The following SPG11 variants were observed in gnomAD, a reference collection of about 807,000 sequenced individuals.
SPG11 encodes SPG11 vesicle trafficking associated, spatacsin, also known as spatacsin.
SPG11 carries 222 observed loss-of-function variants against 274.0 expected under a neutral mutation model. The observed-to-expected ratio is 0.81, with a 90% CI of 0.73 to 0.91. SPG11 has a LOEUF of 0.91. Ranked by LOEUF, SPG11 falls within the 40% of genes least tolerant of loss-of-function variation. The probability of loss-of-function intolerance (pLI) is 0.00; values close to 1 mark genes in which losing one functional copy is unlikely to be tolerated. For missense variants in SPG11, 3,114 were observed against 2,872.7 expected (o/e 1.08, Z -1.92); for synonymous variants, 1,144 against 1,039.7 (o/e 1.10, Z -1.93).
At chr15:44,599,444 C>T (rs1363119616) in intron 21 of SPG11, among the ~76,000 whole-genome samples, 2 of 152,088 alleles carry the variant, frequency 1.3e-5, no homozygotes, top group Non-Finnish European at 2.9e-5. Flanking sequence ...GGACTACAGG[C>T]ACCCACCACC....
intron 33 of SPG11, 82 bp from the exon 34 acceptor site, chr15:44,570,740 G>A (rs2140923425): frequency 1.3e-6 from 2 of 1,555,782 alleles, no homozygotes; most frequent in East Asian, 4.8e-5. Flanking sequence ...AGGGAAAAAG[G>A]GCCTGGTGGA....
At chr15:44,569,604 C>T in intron 34 of SPG11, 99 bp from the exon 35 acceptor site, 1 of 892,396 alleles carries the variant, frequency 1.1e-6, no homozygotes, top group Non-Finnish European at 1.8e-6. Flanking sequence ...ATGCCAAGCT[C>T]CAGGAGGAGA....
rs577309741 is a variant in SPG11 at position 44,574,792 on chromosome 15, C to T, written c.6006+110G>A. On this transcript the variant is annotated intron_variant, in intron 31 of 39. Coordinates refer to ENST00000261866, the MANE Select transcript of SPG11 (RefSeq NM_025137.4). ...CAACATCCTGATAAGAGCTCTACTC[C>T]CAGGTCATGATTATCATCTAAAAGG... The T allele has an allele frequency of 3.0e-6, 4 of 1,319,654 alleles. No individual in the cohort carries two copies. The South Asian group carries it at 4.7e-5, about 16-fold the overall frequency. The allele number at this position is 1,319,654 out of a possible 1,614,324, so 81.7% of individuals were successfully genotyped here.
intron 32 of SPG11, 21 bp from the exon 33 acceptor site, chr15:44,572,841 A>G (rs1246395585): frequency 1.2e-6 from 2 of 1,613,862 alleles, no homozygotes; most frequent in Non-Finnish European, 8.5e-7. Flanking sequence ...AGGTGTGAAG[A>G]CAGGTGCTGG....
intron 4 of SPG11, 127 bp downstream of exon 4, chr15:44,656,968 C>T (rs971621038): frequency 1.3e-6 from 1 of 778,608 alleles, no homozygotes; most frequent in African/African-American, 1.8e-5. Context: ...AATGTATTAG[C>T]TAGAACATGA....
chr15:44,609,564 G>A (rs923456485), intron 18 of SPG11, among the ~76,000 whole-genome samples: 4 of 151,890 alleles, frequency 2.6e-5, no homozygotes, highest in African/African-American at 9.7e-5. Flanking sequence ...GACCTAAGAG[G>A]GCAAATAGTA....
chr15:44,661,962 C>T (rs931643943), intron 1 of SPG11, among the ~76,000 whole-genome samples: 18 of 152,288 alleles, frequency 1.2e-4, no homozygotes, highest in African/African-American at 3.4e-4. Flanking sequence ...CTCCTCCCCT[C>T]TAATTTCATG....
intron 3 of SPG11, among the ~76,000 whole-genome samples, chr15:44,658,335 A>G (rs1256058127): frequency 6.6e-6 from 1 of 152,214 alleles, no homozygotes; most frequent in Non-Finnish European, 1.5e-5. Context: ...GAGACAAAGA[A>G]CCCATAATAT....
At chr15:44,564,503 G>A (rs983218962) in intron 39 of SPG11, 44 bp downstream of exon 39, 30 of 1,605,124 alleles carry the variant, frequency 1.9e-5, no homozygotes, top group Non-Finnish European at 2.5e-5. Flanking sequence ...TCACCTCAAA[G>A]CAGAGGCAAG....
At chr15:44,607,905 A>G (rs2083363259) in intron 19 of SPG11, among the ~76,000 whole-genome samples, 1 of 152,230 alleles carries the variant, frequency 6.6e-6, no homozygotes, top group South Asian at 2.1e-4. Flanking sequence ...GAAGCTTTTG[A>G]TGAAAACAGC....
In SPG11 at chr15:44,572,802, T is replaced by TTTC. The variant is rs773225085; in HGVS notation, c.6223_6224insGAA (p.Phe2074_Asn2075insArg). ...AAATGTCTGGCTTTCCTCTGTTGGG[T>TTTC]TGAACATCTGCTTATGTCCTGTACA... On this transcript the variant is annotated inframe_insertion, in exon 33 of 40. Transcript: ENST00000261866. 3.2e-5 allele frequency: 52 copies of TTTC among 1,613,956 alleles called. No individual in the cohort carries two copies. In the East Asian group the frequency reaches 6.2e-4, roughly 19 times the overall value.
At chr15:44,585,101 T>C (rs1238653947) in intron 29 of SPG11, among the ~76,000 whole-genome samples, 2 of 152,208 alleles carry the variant, frequency 1.3e-5, no homozygotes, top group African/African-American at 4.8e-5. Context: ...GGAAAATAGT[T>C]GTAGCATATC....
intron 39 of SPG11, among the ~76,000 whole-genome samples, chr15:44,563,772 G>GT (rs761104466): frequency 1.3e-5 from 2 of 152,154 alleles, no homozygotes; most frequent in African/African-American, 2.4e-5. Context: ...GACTACAAGT[G>GT]TGCACCACTG....
At chr15:44,634,965 T>A (rs1380862813) in intron 7 of SPG11, among the ~76,000 whole-genome samples, 3 of 152,104 alleles carry the variant, frequency 2.0e-5, no homozygotes. Flanking sequence ...ATGCCTGTAA[T>A]CCCAGCTTGG....
intron 19 of SPG11, among the ~76,000 whole-genome samples, chr15:44,607,739 C>G (rs948813502): frequency 2.6e-5 from 4 of 152,134 alleles, no homozygotes; most frequent in Admixed American, 1.3e-4. Context: ...GAAATGTAAG[C>G]AAAATTATAT....
At chr15:44,616,845 ATATT>A (rs2083603513) in intron 15 of SPG11, among the ~76,000 whole-genome samples, 1 of 152,228 alleles carries the variant, frequency 6.6e-6, no homozygotes, top group Admixed American at 6.5e-5. Flanking sequence ...AGCCAACATC[ATATT>A]TATTAGTGAA....
At chr15:44,648,787 TTC>T (rs2084677279) in intron 7 of SPG11, 77 bp downstream of exon 7, 1 of 1,493,812 alleles carries the variant, frequency 6.7e-7, no homozygotes, top group Non-Finnish European at 9.3e-7. Context: ...ATTAAATGAA[TTC>T]TCTCAAATCC....
intron 11 of SPG11, among the ~76,000 whole-genome samples, chr15:44,625,337 C>T (rs192991910): frequency 5.3e-5 from 8 of 152,192 alleles, no homozygotes; most frequent in African/African-American, 1.7e-4. Flanking sequence ...TGGATCTGTG[C>T]CCCTGCCCAA....
At position 44,583,986 on chromosome 15, in the gene SPG11, G is replaced by A. The variant is rs1217386610; in HGVS notation, c.5694C>T (p.Cys1898=). The A allele has an allele frequency of 6.8e-6, 11 of 1,614,160 alleles. No homozygotes were observed. Among genetic ancestry groups the A allele is most frequent in the Non-Finnish European group, 9.3e-6 (11 of 1,180,032 alleles). ...DGCVHEASRV[C]RYFHFYNPDV... ...CTGGATTATAAAAATGAAAATACCG[G>A]CATACTCTACTTGCTTCATGCACAC... The change falls in exon 30 of 40, where the codon TGC becomes TGT. Residue 1898 remains cysteine (C), a synonymous_variant. Coordinates refer to ENST00000261866, the MANE Select transcript of SPG11 (RefSeq NM_025137.4).
Sources: allele counts gnomAD v4.1 joint callset (sites outside exome capture counted in the v4.1 genomes callset), GRCh38; gene constraint gnomAD v4.1.1; transcripts MANE v1.5; gene names NCBI Gene and HGNC (gene_info 2026-07-23, HGNC 2026-07-21).